NETO1: variants seen among roughly 807,000 people sequenced by gnomAD.
NETO1 encodes neuropilin and tolloid-like protein 1.
Under a neutral mutation model 61.3 loss-of-function variants are expected in NETO1, and 26 were observed. The observed-to-expected ratio is 0.42, with a 90% CI of 0.31 to 0.59. NETO1 has a LOEUF of 0.59. Ranked by LOEUF, NETO1 falls within the 20% of genes least tolerant of loss-of-function variation. The pLI, the probability that NETO1 is intolerant of heterozygous loss-of-function variation, is 0.12. For synonymous variants in NETO1, 225 were observed against 225.8 expected, an observed-to-expected ratio of 1.00 and a Z score of 0.03; for missense variants, 531 against 662.8, an observed-to-expected ratio of 0.80 and a Z score of 2.18.
intron 7 of NETO1, among the ~76,000 whole-genome samples, chr18:72,777,371 A>G (rs1186849705): frequency 6.7e-6 from 1 of 149,694 alleles, no homozygotes; most frequent in Non-Finnish European, 1.5e-5. Context: ...GGGAGCTGAG[A>G]TCGCACCACT....
chr18:72,802,711 G>A (rs1337329285), intron 4 of NETO1, among the ~76,000 whole-genome samples: 1 of 152,178 alleles, frequency 6.6e-6, no homozygotes, highest in Non-Finnish European at 1.5e-5. Context: ...GAGAATTGCT[G>A]GTGTCTTAGC....
At chr18:72,845,305 C>T (rs560306258) in intron 4 of NETO1, among the ~76,000 whole-genome samples, 35 of 152,240 alleles carry the variant, frequency 2.3e-4, no homozygotes, top group South Asian at 1.9e-3. Flanking sequence ...GAGATTAAGT[C>T]GATTGCTGCT....
chr18:72,831,149 G>A (rs1168303869), intron 4 of NETO1, among the ~76,000 whole-genome samples: 2 of 152,094 alleles, frequency 1.3e-5, no homozygotes, highest in African/African-American at 4.8e-5. Context: ...TACTCAGATG[G>A]TCTGTCTTCG....
intron 4 of NETO1, among the ~76,000 whole-genome samples, chr18:72,841,368 G>GA (rs1384206884): frequency 2.0e-5 from 3 of 151,834 alleles, no homozygotes; most frequent in African/African-American, 7.3e-5. Flanking sequence ...TACACTTACA[G>GA]AATCTTATTT....
intron 4 of NETO1, among the ~76,000 whole-genome samples, chr18:72,829,337 A>T (rs1199703471): frequency 6.6e-6 from 1 of 152,132 alleles, no homozygotes; most frequent in East Asian, 1.9e-4. Context: ...CAAAATCTCA[A>T]TCTTGATTTT....
chr18:72,809,032 T>C (rs879490522), intron 4 of NETO1, among the ~76,000 whole-genome samples: 1 of 152,252 alleles, frequency 6.6e-6, no homozygotes, highest in Non-Finnish European at 1.5e-5. Context: ...AAAGTTATCA[T>C]ATTCTGTAAA....
At chr18:72,838,277 T>G (rs1049268451) in intron 4 of NETO1, among the ~76,000 whole-genome samples, 1 of 152,208 alleles carries the variant, frequency 6.6e-6, no homozygotes, top group African/African-American at 2.4e-5. Context: ...ACATTGTGAG[T>G]GGCAGGTATT....
chr18:72,748,039 A>G lies in NETO1; in HGVS notation c.*140T>C. 5.6e-6 allele frequency: 4 copies of G among 711,696 alleles called. No individual in the cohort carries two copies. Among genetic ancestry groups the G allele is most frequent in the Non-Finnish European group, 6.9e-6 (4 of 579,912 alleles). The allele number at this position is 711,696 out of a possible 1,614,324, so 44.1% of individuals were successfully genotyped here. A position where few individuals can be genotyped will look rare whatever the true frequency, so the allele number is the denominator to read the frequency against. ...GCGGGGATGTCTTGCCGAAGGAATAACAAATGTCTGTAATTCTTAAGTTTG... is the reference window on the plus strand; with the variant it reads ...GCGGGGATGTCTTGCCGAAGGAATAGCAAATGTCTGTAATTCTTAAGTTTG... On this transcript the variant is annotated 3_prime_UTR_variant, in exon 11 of 11. Transcript: ENST00000327305.
intron 7 of NETO1, among the ~76,000 whole-genome samples, chr18:72,773,375 G>A (rs77586127): frequency 0.013 from 1,966 of 152,230 alleles, 45 homozygotes; most frequent in African/African-American, 0.045. Flanking sequence ...AGTTTTCACA[G>A]AGAAAGAATG....
intron 4 of NETO1, among the ~76,000 whole-genome samples, chr18:72,803,211 C>A (rs1029974512): frequency 6.6e-6 from 1 of 152,184 alleles, no homozygotes; most frequent in Non-Finnish European, 1.5e-5. Context: ...AGCTTCCCAA[C>A]GCTGAGAGAA....
intron 1 of NETO1, among the ~76,000 whole-genome samples, chr18:72,866,487 A>T (rs1337026114): frequency 6.6e-6 from 1 of 152,062 alleles, no homozygotes; most frequent in Non-Finnish European, 1.5e-5. Context: ...ACAGGTATGC[A>T]CATCCTTCAG....
rs574511728 is a variant in NETO1 at position 72,750,342 on chromosome 18, G to A, written c.1261C>T (p.Arg421Trp). Residue 421 changes from arginine to tryptophan, a missense_variant, in exon 9 of 11, where the codon CGG becomes TGG. Arg to Trp is a moderately radical substitution (Grantham distance 101, BLOSUM62 -3). Transcript: ENST00000327305. ...TGAATGCATTTGGAAGATGACCTCCGCAGTTTATGGTAATTTTCAAAGTCA... is the reference window on the plus strand; with the variant it reads ...TGAATGCATTTGGAAGATGACCTCCACAGTTTATGGTAATTTTCAAAGTCA... Reference protein sequence around the residue: ...ADDFENYHKLRRSSSKCIHDH... With the variant: ...ADDFENYHKLWRSSSKCIHDH... 1.5e-5 allele frequency: 24 copies of A among 1,613,926 alleles called. No homozygotes were observed. In the South Asian group the frequency reaches 1.9e-4, roughly 13 times the overall value.
chr18:72,826,120 C>A (rs1028060321), intron 4 of NETO1, among the ~76,000 whole-genome samples: 2 of 152,070 alleles, frequency 1.3e-5, no homozygotes, highest in African/African-American at 4.8e-5. Flanking sequence ...CCACAATTAT[C>A]GTGGTTTGCT....
intron 7 of NETO1, among the ~76,000 whole-genome samples, chr18:72,757,339 C>G (rs367621303): frequency 6.6e-6 from 1 of 151,926 alleles, no homozygotes; most frequent in Non-Finnish European, 1.5e-5. Context: ...CAAAACAATA[C>G]TTTGCAATTT....
chr18:72,864,461 TA>T (rs371486658), intron 3 of NETO1, among the ~76,000 whole-genome samples: 2 of 152,282 alleles, frequency 1.3e-5, no homozygotes, highest in African/African-American at 2.4e-5. Context: ...ATTGTTGAGC[TA>T]AAAAAATGCT....
intron 8 of NETO1, among the ~76,000 whole-genome samples, chr18:72,751,050 TACACACACAC>T (rs764681364): frequency 7.2e-6 from 1 of 138,028 alleles, no homozygotes; most frequent in African/African-American, 2.8e-5. Context: ...CATCTTAAAA[TACACACACAC>T]ACACACACAC....
intron 7 of NETO1, among the ~76,000 whole-genome samples, chr18:72,758,557 C>T (rs528159097): frequency 2.6e-5 from 4 of 152,244 alleles, no homozygotes; most frequent in African/African-American, 9.6e-5. Context: ...AATGTAGAGG[C>T]TGGGCGTGGT....
At chr18:72,765,444 AGTCTCACTCTGTT>A (rs2071121624) in intron 7 of NETO1, among the ~76,000 whole-genome samples, 1 of 152,066 alleles carries the variant, frequency 6.6e-6, no homozygotes, top group Non-Finnish European at 1.5e-5. Flanking sequence ...TTGGAGATGA[AGTCTCACTCTGTT>A]GTCCAGGCTG....
intron 4 of NETO1, among the ~76,000 whole-genome samples, chr18:72,827,732 A>AG (rs2073429681): frequency 6.9e-6 from 1 of 145,226 alleles, no homozygotes; most frequent in Non-Finnish European, 1.5e-5. Flanking sequence ...AAAAAAAAAA[A>AG]AAAAAGAAAG....
Sources: allele counts gnomAD v4.1 joint callset (sites outside exome capture counted in the v4.1 genomes callset), GRCh38; gene constraint gnomAD v4.1.1; transcripts MANE v1.5; gene names NCBI Gene and HGNC (gene_info 2026-07-23, HGNC 2026-07-21).